GPC6: variants seen among roughly 807,000 people sequenced by gnomAD.
GPC6 encodes the protein glypican-6.
In GPC6, 14 loss-of-function variants were observed where a neutral mutation model predicts 55.2. The observed-to-expected ratio is 0.25, with a 90% CI of 0.17 to 0.40. The LOEUF (loss-of-function observed/expected upper bound fraction) is 0.40. Among genes scored for constraint, GPC6 ranks in the 10% least tolerant of loss-of-function variants. The pLI, the probability that GPC6 is intolerant of heterozygous loss-of-function variation, is 1.00. For synonymous variants in GPC6, 278 were observed against 259.6 expected (o/e 1.07, Z -0.68); for missense variants, 641 against 708.5 (o/e 0.90, Z 1.08).
chr13:94,062,961 A>C (rs1235262397), intron 4 of GPC6, among the ~76,000 whole-genome samples: 1 of 152,202 alleles, frequency 6.6e-6, no homozygotes, highest in Non-Finnish European at 1.5e-5. Flanking sequence ...TACAAGAGAA[A>C]TAATGCATGG....
At chr13:93,399,901 A>G (rs868610922) in intron 1 of GPC6, among the ~76,000 whole-genome samples, 4 of 152,238 alleles carry the variant, frequency 2.6e-5, no homozygotes, top group Non-Finnish European at 5.9e-5. Context: ...CTCAGAAGGA[A>G]TAAATATGTT....
chr13:93,932,717 A>T (rs1379310782), intron 3 of GPC6, among the ~76,000 whole-genome samples: 1 of 152,148 alleles, frequency 6.6e-6, no homozygotes, highest in Non-Finnish European at 1.5e-5. Flanking sequence ...CCGTGAGCCC[A>T]GTTACTTAAA....
chr13:93,831,985 G>T lies in GPC6; in HGVS notation c.711+1440G>T, dbSNP rs112891590. ...GGCGCCTGTAGTCCCAGCTACTCTG[G>T]AGGCTGAGGCAGGAGAATGGCATGA... On this transcript the variant is annotated intron_variant, in intron 3 of 8. Coordinates refer to ENST00000377047, the MANE Select transcript of GPC6 (RefSeq NM_005708.5). Among the ~76,000 whole-genome samples the T allele has an allele frequency of 7.6e-3, 1,100 of 145,332 alleles. 13 individuals carry two copies. Among genetic ancestry groups the T allele is most frequent in the African/African-American group, 0.026 (1,001 of 39,252 alleles).
At chr13:93,722,089 A>T (rs536493379) in intron 2 of GPC6, among the ~76,000 whole-genome samples, 1 of 151,760 alleles carries the variant, frequency 6.6e-6, no homozygotes, top group African/African-American at 2.4e-5. Context: ...TTAATAAATA[A>T]CATTGTTTTA....
intron 1 of GPC6, among the ~76,000 whole-genome samples, chr13:93,484,679 C>T (rs957703100): frequency 4.0e-5 from 6 of 151,846 alleles, no homozygotes; most frequent in African/African-American, 1.4e-4. Context: ...TGAAATATTG[C>T]TTAATTTCTT....
intron 5 of GPC6, among the ~76,000 whole-genome samples, chr13:94,288,941 A>ATATATAACAAATATATATATATTT (rs1874779104): frequency 2.6e-4 from 2 of 7,792 alleles, no homozygotes; most frequent in Admixed American, 1.6e-3. Context: ...ATAGATAGAT[A>ATATATAACAAATATATATATATTT]GATAGATAGA....
At chr13:94,396,845 T>C (rs1880917641) in intron 7 of GPC6, among the ~76,000 whole-genome samples, 1 of 152,200 alleles carries the variant, frequency 6.6e-6, no homozygotes, top group East Asian at 1.9e-4. Flanking sequence ...GCAGTGTTTT[T>C]GCACTGGGGC....
At chr13:93,479,132 T>A (rs774439307) in intron 1 of GPC6, among the ~76,000 whole-genome samples, 1 of 152,150 alleles carries the variant, frequency 6.6e-6, no homozygotes, top group African/African-American at 2.4e-5. Flanking sequence ...CACACCTGCT[T>A]GGAAGATGGG....
At chr13:93,537,445 G>T (rs568442513) in intron 1 of GPC6, among the ~76,000 whole-genome samples, 48 of 152,242 alleles carry the variant, frequency 3.2e-4, no homozygotes, top group African/African-American at 1.1e-3. Flanking sequence ...ATTATTCTTT[G>T]TGGACATCAA....
intron 3 of GPC6, among the ~76,000 whole-genome samples, chr13:93,929,784 T>C (rs1878059707): frequency 6.7e-6 from 1 of 150,190 alleles, no homozygotes; most frequent in African/African-American, 2.5e-5. Flanking sequence ...GTATTTTTAA[T>C]TCAATGTATT....
intron 2 of GPC6, among the ~76,000 whole-genome samples, chr13:93,749,627 C>T (rs551941883): frequency 1.4e-4 from 22 of 151,792 alleles, no homozygotes; most frequent in African/African-American, 4.6e-4. Flanking sequence ...ATATTTATAA[C>T]ATGTATGACA....
intron 4 of GPC6, among the ~76,000 whole-genome samples, chr13:94,248,741 G>A (rs1360177291): frequency 6.6e-6 from 1 of 151,754 alleles, no homozygotes; most frequent in Non-Finnish European, 1.5e-5. Context: ...GTAGAAACAT[G>A]CTCACACACA....
chr13:94,303,021 C>T (rs1466928268), intron 5 of GPC6, among the ~76,000 whole-genome samples: 1 of 152,226 alleles, frequency 6.6e-6, no homozygotes, highest in Non-Finnish European at 1.5e-5. Flanking sequence ...ATCAGGAGCA[C>T]AGTGGACACC....
At chr13:93,411,532 C>T (rs1351538403) in intron 1 of GPC6, among the ~76,000 whole-genome samples, 1 of 152,164 alleles carries the variant, frequency 6.6e-6, no homozygotes, top group Non-Finnish European at 1.5e-5. Context: ...GAGCACAGCA[C>T]ATTCTGTGGT....
chr13:93,750,750 G>T (rs916695795), intron 2 of GPC6, among the ~76,000 whole-genome samples: 3 of 152,180 alleles, frequency 2.0e-5, no homozygotes, highest in African/African-American at 7.2e-5. Flanking sequence ...CTTGTGAGGC[G>T]CATGATTTTA....
chr13:93,580,521 C>T (rs1187525403), intron 2 of GPC6, among the ~76,000 whole-genome samples: 3 of 152,152 alleles, frequency 2.0e-5, no homozygotes, highest in African/African-American at 7.2e-5. Flanking sequence ...TTCTTTATAA[C>T]CTTTTATTCA....
chr13:93,480,145 T>A (rs1347187926), intron 1 of GPC6, among the ~76,000 whole-genome samples: 1 of 152,240 alleles, frequency 6.6e-6, no homozygotes, highest in Non-Finnish European at 1.5e-5. Context: ...TTTGTCTCTG[T>A]GTCTCCAAGG....
intron 2 of GPC6, among the ~76,000 whole-genome samples, chr13:93,759,076 A>T (rs1884871986): frequency 1.3e-5 from 2 of 152,086 alleles, no homozygotes; most frequent in African/African-American, 2.4e-5. Context: ...AAGCTGCAAG[A>T]TACAGCCCAA....
intron 4 of GPC6, among the ~76,000 whole-genome samples, chr13:94,182,546 C>G (rs1263263743): frequency 6.6e-6 from 1 of 152,150 alleles, no homozygotes; most frequent in Non-Finnish European, 1.5e-5. Context: ...AACATTATGA[C>G]TTGGCTTTCT....
Sources: allele counts gnomAD v4.1 joint callset (sites outside exome capture counted in the v4.1 genomes callset), GRCh38; gene constraint gnomAD v4.1.1; transcripts MANE v1.5; gene names NCBI Gene and HGNC (gene_info 2026-07-23, HGNC 2026-07-21).